CADM2: variants seen among roughly 807,000 people sequenced by gnomAD.
The protein encoded by CADM2 is cell adhesion molecule 2, also known as immunoglobulin superfamily member 4D.
In CADM2, 12 loss-of-function variants were observed where a neutral mutation model predicts 49.8. That is an observed-to-expected ratio of 0.24 (90% CI 0.15 to 0.39). The LOEUF (loss-of-function observed/expected upper bound fraction) is 0.39, where lower values mean the gene tolerates loss of function less well. Among genes scored for constraint, CADM2 ranks in the 10% least tolerant of loss-of-function variants. The pLI is 1.00. For missense variants in CADM2, 378 were observed against 492.3 expected (o/e 0.77, Z 2.20); for synonymous variants, 214 against 175.4 (o/e 1.22, Z -1.74).
chr3:85,226,914 A>C (rs2042175503), intron 1 of CADM2, among the ~76,000 whole-genome samples: 1 of 152,132 alleles, frequency 6.6e-6, no homozygotes, highest in Non-Finnish European at 1.5e-5. Flanking sequence ...CAGGTTGTTC[A>C]GTTTCCATGT....
At chr3:85,399,693 T>A (rs1402654967) in intron 1 of CADM2, among the ~76,000 whole-genome samples, 3 of 152,196 alleles carry the variant, frequency 2.0e-5, no homozygotes, top group Non-Finnish European at 2.9e-5. Context: ...GTCCTTCACA[T>A]CTCTTGTAAG....
intron 1 of CADM2, among the ~76,000 whole-genome samples, chr3:84,968,873 C>G (rs946514167): frequency 6.4e-4 from 98 of 152,024 alleles, no homozygotes; most frequent in African/African-American, 2.3e-3. Context: ...TGCCTGCAAT[C>G]TTTATGGACT....
intron 1 of CADM2, among the ~76,000 whole-genome samples, chr3:85,109,420 A>G (rs1371225634): frequency 6.6e-6 from 1 of 151,882 alleles, no homozygotes; most frequent in Non-Finnish European, 1.5e-5. Context: ...TCAGGCATAA[A>G]CTGAGGCTAA....
intron 3 of CADM2, among the ~76,000 whole-genome samples, chr3:85,853,160 TAAGTAG>T (rs1013841797): frequency 2.1e-4 from 32 of 151,716 alleles, no homozygotes; most frequent in Non-Finnish European, 3.4e-4. Context: ...ATTAAAACCA[TAAGTAG>T]AAGTTCTAGA....
intron 1 of CADM2, among the ~76,000 whole-genome samples, chr3:85,460,051 T>C (rs1261000157): frequency 6.6e-6 from 1 of 152,202 alleles, no homozygotes; most frequent in Non-Finnish European, 1.5e-5. Context: ...AAAAAATGTT[T>C]TCATCTCTTC....
chr3:85,604,028 T>G (rs1161915446), intron 1 of CADM2, among the ~76,000 whole-genome samples: 1 of 151,946 alleles, frequency 6.6e-6, no homozygotes, highest in Non-Finnish European at 1.5e-5. Flanking sequence ...ATTAGAATCT[T>G]ATTATACATA....
intron 7 of CADM2, among the ~76,000 whole-genome samples, chr3:85,958,252 A>G (rs1037768236): frequency 6.6e-6 from 1 of 152,070 alleles, no homozygotes; most frequent in African/African-American, 2.4e-5. Flanking sequence ...ATGAGGTACC[A>G]TCTCACACCA....
At chr3:85,727,736 A>G (rs898102089) in intron 2 of CADM2, among the ~76,000 whole-genome samples, 2 of 152,144 alleles carry the variant, frequency 1.3e-5, no homozygotes, top group African/African-American at 4.8e-5. Flanking sequence ...GTGTAAAGGG[A>G]ACCAGGGGGA....
In CADM2 at chr3:85,633,467, C is replaced by T. The variant is rs576538970; in HGVS notation, c.62-93055C>T. On this transcript the variant is annotated intron_variant, in intron 1 of 9. Coordinates refer to ENST00000383699, the MANE Select transcript of CADM2 (RefSeq NM_001167675.2). ...GTTGTCCATGAATATGTCAATGGTGCTCAATTTTACATATTAGATGCACTA... is the reference window on the plus strand; with the variant it reads ...GTTGTCCATGAATATGTCAATGGTGTTCAATTTTACATATTAGATGCACTA... Among the ~76,000 whole-genome samples the T allele has an allele frequency of 6.3e-4, 95 of 151,994 alleles. 1 individual carries two copies. The highest frequency in any genetic ancestry group is 2.2e-3 in the African/African-American group (92 of 41,490).
At chr3:85,304,999 A>T (rs2044180826) in intron 1 of CADM2, among the ~76,000 whole-genome samples, 1 of 151,730 alleles carries the variant, frequency 6.6e-6, no homozygotes. Flanking sequence ...TTGAAAAGTA[A>T]AATTACCATA....
chr3:85,764,033 A>G (rs1323678395), intron 2 of CADM2, among the ~76,000 whole-genome samples: 2 of 152,168 alleles, frequency 1.3e-5, no homozygotes, highest in Non-Finnish European at 2.9e-5. Flanking sequence ...ACAGAGGGAA[A>G]TGGGAAAAAG....
At position 85,162,022 on chromosome 3, in the gene CADM2, A is replaced by AAAAG. The variant is rs573150989; in HGVS notation, c.61+202370_61+202373dup. ...AAGACTCCATTTAAAAGGAAAAACA[A>AAAAG]AAAGAAAGAAAGAAAGAAAAAACAA... On this transcript the variant is annotated intron_variant, in intron 1 of 9. Transcript: ENST00000383699. 3.9e-5 allele frequency among the ~76,000 whole-genome samples: 6 copies of AAAAG among 152,218 alleles called. No individual in the cohort carries two copies. The South Asian group carries it at 1.0e-3, about 26-fold the overall frequency.
intron 1 of CADM2, among the ~76,000 whole-genome samples, chr3:85,433,357 G>C (rs1224638817): frequency 6.6e-6 from 1 of 152,180 alleles, no homozygotes; most frequent in South Asian, 2.1e-4. Flanking sequence ...ATGTATATGT[G>C]TGTGTGTATG....
At chr3:85,348,299 G>T (rs1475986757) in intron 1 of CADM2, among the ~76,000 whole-genome samples, 1 of 152,106 alleles carries the variant, frequency 6.6e-6, no homozygotes, top group Non-Finnish European at 1.5e-5. Flanking sequence ...ATTAGATGAG[G>T]CTCACCTGCA....
intron 1 of CADM2, among the ~76,000 whole-genome samples, chr3:84,973,149 G>A (rs1200969102): frequency 6.6e-6 from 1 of 152,186 alleles, no homozygotes; most frequent in Non-Finnish European, 1.5e-5. Flanking sequence ...CTGGCCTCAG[G>A]TGATCCGCCA....
At chr3:85,752,130 A>G (rs1559632677) in intron 2 of CADM2, among the ~76,000 whole-genome samples, 2 of 152,124 alleles carry the variant, frequency 1.3e-5, no homozygotes, top group Non-Finnish European at 1.5e-5. Flanking sequence ...CCAATACTCA[A>G]CCTGAAGATG....
chr3:85,877,684 G>GTTTTTTTTTTTTTTTTTTTTTTTT (rs368101272), intron 3 of CADM2, among the ~76,000 whole-genome samples: 3 of 112,024 alleles, frequency 2.7e-5, no homozygotes, highest in African/African-American at 3.3e-5. Flanking sequence ...TTTTTCTTCT[G>GTTTTTTTTTTTTTTTTTTTTTTTT]TTTTTTTTTT....
intron 7 of CADM2, among the ~76,000 whole-genome samples, chr3:85,946,447 A>T (rs1282499444): frequency 6.6e-6 from 1 of 152,102 alleles, no homozygotes; most frequent in Non-Finnish European, 1.5e-5. Context: ...TTCATATGGA[A>T]CCAAAAAAGA....
intron 1 of CADM2, among the ~76,000 whole-genome samples, chr3:85,268,508 T>C (rs1196371492): frequency 6.6e-6 from 1 of 151,446 alleles, no homozygotes; most frequent in African/African-American, 2.4e-5. Context: ...ATTTGACAGT[T>C]CAATTTTGTA....
Sources: allele counts gnomAD v4.1 joint callset (sites outside exome capture counted in the v4.1 genomes callset), GRCh38; gene constraint gnomAD v4.1.1; transcripts MANE v1.5; gene names NCBI Gene and HGNC (gene_info 2026-07-23, HGNC 2026-07-21).